Variants in UBP1 observed in about 807,000 individuals in gnomAD.
The protein encoded by UBP1 is upstream-binding protein 1.
A neutral mutation model predicts 76.1 loss-of-function variants in UBP1; 22 were observed. That is an observed-to-expected ratio of 0.29 (90% CI 0.21 to 0.41). The LOEUF (loss-of-function observed/expected upper bound fraction) is 0.41. Ranked by LOEUF, UBP1 falls within the 10% of genes least tolerant of loss-of-function variation. The pLI is 1.00. For missense variants in UBP1, 436 were observed against 668.1 expected, an observed-to-expected ratio of 0.65 and a Z score of 3.83; for synonymous variants, 224 against 237.1, an observed-to-expected ratio of 0.94 and a Z score of 0.51.
At chr3:33,419,384 C>T (rs986574054) in intron 2 of UBP1, among the ~76,000 whole-genome samples, 1 of 151,952 alleles carries the variant, frequency 6.6e-6, no homozygotes, top group Non-Finnish European at 1.5e-5. Context: ...AATCCTAGCA[C>T]TTTGGGAGGC....
At chr3:33,431,289 A>C (rs1384278735) in intron 1 of UBP1, among the ~76,000 whole-genome samples, 2 of 152,206 alleles carry the variant, frequency 1.3e-5, no homozygotes, top group African/African-American at 4.8e-5. Flanking sequence ...AAAGAACGGA[A>C]TAGGGGCAAA....
intron 2 of UBP1, among the ~76,000 whole-genome samples, chr3:33,424,090 C>T (rs2044968032): frequency 1.3e-5 from 2 of 152,116 alleles, no homozygotes; most frequent in South Asian, 4.1e-4. Flanking sequence ...CCTTTTTTAT[C>T]TTTAGAAATA....
intron 1 of UBP1, among the ~76,000 whole-genome samples, chr3:33,434,150 G>A (rs1171670897): frequency 1.3e-5 from 2 of 152,070 alleles, no homozygotes; most frequent in South Asian, 2.1e-4. Flanking sequence ...TCTTACAGGG[G>A]CGGGGGAACC....
chr3:33,439,954 G>A lies in UBP1; in HGVS notation c.-106C>T. The A allele has an allele frequency of 8.2e-7, 1 of 1,224,090 alleles. No homozygotes were observed. Among genetic ancestry groups the A allele is most frequent in the Non-Finnish European group, 1.1e-6 (1 of 886,010 alleles). The allele number at this position is 1,224,090 out of a possible 1,614,324, so 75.8% of individuals were successfully genotyped here. A position where few individuals can be genotyped will look rare whatever the true frequency, so the allele number is the denominator to read the frequency against. On this transcript the variant is annotated 5_prime_UTR_variant, in exon 1 of 16. Coordinates refer to ENST00000283629, the MANE Select transcript of UBP1 (RefSeq NM_014517.5). ...GGGGAGGGCGCGGGTGAAGCCTCCG[G>A]AGGGGCGGCGAGTGGTCACCAGCGG...
Position 33,439,899 on chromosome 3 carries a change from A to G in UBP1, c.-51T>C. The G allele has an allele frequency of 6.2e-7, 1 of 1,601,216 alleles. No homozygotes were observed. The highest frequency in any genetic ancestry group is 2.3e-5 in the East Asian group (1 of 44,360). The stretch of plus-strand genomic sequence containing the variant: ...CACCGCGGCCTCCGCGTCCAGGGCG[A>G]AGGAGCCGGAGCTCCGCTGGCGCGT... On this transcript the variant is annotated 5_prime_UTR_variant, in exon 1 of 16. Coordinates refer to ENST00000283629, the MANE Select transcript of UBP1 (RefSeq NM_014517.5).
intron 12 of UBP1, 187 bp from the exon 13 acceptor site, chr3:33,396,467 G>T (rs1185292316): frequency 2.5e-5 from 13 of 512,908 alleles, no homozygotes; most frequent in Non-Finnish European, 4.5e-5. Flanking sequence ...ATCACAGGTG[G>T]TCTAATATGA....
Position 33,390,291 on chromosome 3 carries a change from G to A in UBP1, c.*40C>T. The A allele has an allele frequency of 1.9e-6, 3 of 1,591,400 alleles. No homozygotes were observed. The highest frequency in any genetic ancestry group is 2.6e-6 in the Non-Finnish European group (3 of 1,162,056). ...TCAGTCTTCACACACTTTTAAGCGT[G>A]ACTATTTGGTACTGAATACAGTTCA... On this transcript the variant is annotated 3_prime_UTR_variant, in exon 16 of 16. Transcript: ENST00000283629.
At chr3:33,423,094 T>G (rs113983387) in intron 2 of UBP1, among the ~76,000 whole-genome samples, 15,866 of 151,204 alleles carry the variant, frequency 0.1, 917 homozygotes, top group Admixed American at 0.16. Context: ...CAGGCTGGAG[T>G]GCAGTGGTGT....
chr3:33,437,527 T>C (rs767007293), intron 1 of UBP1, among the ~76,000 whole-genome samples: 6 of 152,242 alleles, frequency 3.9e-5, no homozygotes, highest in Non-Finnish European at 8.8e-5. Context: ...TACCTCTTGT[T>C]TTAAGCCATC....
chr3:33,403,145 A>G (rs2044294354), intron 8 of UBP1: 1 of 420,504 alleles, frequency 2.4e-6, no homozygotes, highest in Non-Finnish European at 4.3e-6. Context: ...ACAGCAGCAA[A>G]AATTTATAAA....
chr3:33,394,222 T>G (rs1341526058), intron 13 of UBP1, among the ~76,000 whole-genome samples: 1 of 146,214 alleles, frequency 6.8e-6, no homozygotes, highest in Admixed American at 6.7e-5. Flanking sequence ...ATTATTATTA[T>G]TATTTGTAGA....
Position 33,411,635 on chromosome 3 carries a change from T to C in UBP1, c.501A>G (p.Leu167=). ...IIDTRTNPSQ[L]NAVEFLWDPA... is the part of the protein sequence containing the mutation. ...GGTCCCACAGAAATTCAACCGCATTTAACTGGCTTGGATTCGTCCTTGTGT... is the reference window on the plus strand; with the variant it reads ...GGTCCCACAGAAATTCAACCGCATTCAACTGGCTTGGATTCGTCCTTGTGT... The change falls in exon 5 of 16, where the codon TTA becomes TTG. Residue 167 remains leucine (L), a synonymous_variant. Transcript: ENST00000283629. 1 of 1,614,206 alleles carries C rather than the reference T, an allele frequency of 6.2e-7. No homozygotes were observed. The highest frequency in any genetic ancestry group is 8.5e-7 in the Non-Finnish European group (1 of 1,180,024).
intron 11 of UBP1, chr3:33,397,581 CTG>C (rs2044054132): frequency 6.6e-6 from 1 of 152,526 alleles, no homozygotes; most frequent in African/African-American, 2.4e-5. Context: ...TGCCTAAAGT[CTG>C]TAAGAGTTGG....
At chr3:33,419,681 G>A (rs570694515) in intron 2 of UBP1, among the ~76,000 whole-genome samples, 1 of 150,826 alleles carries the variant, frequency 6.6e-6, no homozygotes, top group African/African-American at 2.4e-5. Flanking sequence ...CACTTGCTAC[G>A]CTTAAAGTGG....
chr3:33,409,717 C>T, intron 5 of UBP1, 116 bp from the exon 6 acceptor site: 1 of 1,345,440 alleles, frequency 7.4e-7, no homozygotes, highest in Admixed American at 2.2e-5. Flanking sequence ...TTAAAATAAA[C>T]TCATCACACA....
At chr3:33,392,907 T>C in intron 14 of UBP1, 1 of 364,624 alleles carries the variant, frequency 2.7e-6, no homozygotes, top group African/African-American at 2.1e-5. Context: ...TTGCATAAAG[T>C]GCTCTTCTAT....
At chr3:33,390,606 A>C in intron 15 of UBP1, 1 of 561,610 alleles carries the variant, frequency 1.8e-6, no homozygotes, top group Non-Finnish European at 3.2e-6. Flanking sequence ...CCCGCATTCC[A>C]ACACTGTCTG....
At chr3:33,393,279 G>C (rs1480153899) in intron 14 of UBP1, 33 bp downstream of exon 14, 1 of 1,573,714 alleles carries the variant, frequency 6.4e-7, no homozygotes, top group Non-Finnish European at 8.6e-7. Context: ...GTAAATACCA[G>C]TCTGAAAAGG....
At chr3:33,390,405 G>A (rs763243312) in intron 15 of UBP1, 37 bp from the exon 16 acceptor site, 9 of 1,613,158 alleles carry the variant, frequency 5.6e-6, no homozygotes, top group African/African-American at 2.7e-5. Flanking sequence ...CTTCAGTCAG[G>A]CTTAGGAAAT....
Sources: gnomAD v4.1 joint callset for allele counts (sites outside exome capture counted in the v4.1 genomes callset) on GRCh38, gnomAD v4.1.1 for gene constraint, MANE v1.5 for transcripts, NCBI Gene and HGNC (gene_info 2026-07-23, HGNC 2026-07-21) for gene names.